THRA: variants seen among roughly 807,000 people sequenced by gnomAD.
The protein encoded by THRA is EAR-7.
Under a neutral mutation model 45.0 loss-of-function variants are expected in THRA, and 13 were observed. That is an observed-to-expected ratio of 0.29 (90% CI 0.19 to 0.46). THRA has a LOEUF of 0.46. Among genes scored for constraint, THRA ranks in the 20% least tolerant of loss-of-function variants. The pLI, the probability that THRA is intolerant of heterozygous loss-of-function variation, is 1.00. For synonymous variants in THRA, 195 were observed against 214.0 expected, an observed-to-expected ratio of 0.91 and a Z score of 0.78; for missense variants, 278 against 556.1, an observed-to-expected ratio of 0.50 and a Z score of 5.03.
chr17:40,073,625 A>T (rs1316210962), intron 1 of THRA, among the ~76,000 whole-genome samples: 1 of 152,126 alleles, frequency 6.6e-6, no homozygotes, highest in Non-Finnish European at 1.5e-5. Context: ...GGAGTCCCTG[A>T]GGGGCCAGAG....
At chr17:40,083,075 C>T (rs1168555296) in intron 4 of THRA, among the ~76,000 whole-genome samples, 1 of 151,994 alleles carries the variant, frequency 6.6e-6, no homozygotes. Flanking sequence ...CTACAGCGCC[C>T]ACCACCATGC....
Position 40,084,750 on chromosome 17 carries a change from G to T in THRA, c.511G>T (p.Ala171Ser), listed in dbSNP as rs766596317. 1 of 1,614,066 alleles carries T rather than the reference G, an allele frequency of 6.2e-7. No homozygotes were observed. The highest frequency in any genetic ancestry group is 1.1e-5 in the South Asian group (1 of 91,078). Residue 171 changes from alanine to serine, a missense_variant, in exon 6 of 9, where the codon GCC becomes TCC. Physicochemically the swap from Ala to Ser is moderately conservative, Grantham distance 99. Coordinates refer to ENST00000450525, the MANE Select transcript of THRA (RefSeq NM_199334.5). ...TPEEWDLIHI[A>S]TEAHRSTNAQ... Reference sequence around the variant, plus strand: ...TGAAGAGTGGGATCTGATCCACATTGCCACAGAGGCCCATCGCAGCACCAA... The same window carrying T: ...TGAAGAGTGGGATCTGATCCACATTTCCACAGAGGCCCATCGCAGCACCAA...
At chr17:40,081,568 G>A (rs1242494723) in intron 4 of THRA, among the ~76,000 whole-genome samples, 1 of 152,082 alleles carries the variant, frequency 6.6e-6, no homozygotes, top group Admixed American at 6.6e-5. Context: ...CACCTGGCCA[G>A]CAAGGCTTAT....
chr17:40,066,861 G>A (rs1010970533), intron 1 of THRA, among the ~76,000 whole-genome samples: 2 of 152,066 alleles, frequency 1.3e-5, no homozygotes, highest in Non-Finnish European at 2.9e-5. Context: ...TAACTTCCCC[G>A]TTGCCTCATC....
Position 40,090,006 on chromosome 17 carries a change from G to A in THRA, c.*550G>A. 1.0e-6 allele frequency: 1 copy of A among 988,436 alleles called. No individual in the cohort carries two copies. The highest frequency in any genetic ancestry group is 1.2e-6 in the Non-Finnish European group (1 of 831,740). The allele number at this position is 988,436 out of a possible 1,614,324, so 61.2% of individuals were successfully genotyped here. On this transcript the variant is annotated 3_prime_UTR_variant, in exon 9 of 9. Transcript: ENST00000450525. ...CTGCACTTTGGAAACCAAGCAAGGG[G>A]AGAAGACAAATGAAGAAAAACTAGA... is the stretch of plus-strand genomic sequence containing the variant.
At position 40,090,177 on chromosome 17, in the gene THRA, A is replaced by T. The variant is rs1333419667; in HGVS notation, c.*721A>T. On this transcript the variant is annotated 3_prime_UTR_variant, in exon 9 of 9. Transcript: ENST00000450525. The stretch of plus-strand genomic sequence containing the variant: ...CCCCTTCTTCCCCCACATCAGAGAG[A>T]AATGCCCCCACACCAGAGCCCCAAG... The T allele has an allele frequency of 3.9e-6, 1 of 257,190 alleles. No homozygotes were observed. The highest frequency in any genetic ancestry group is 5.9e-6 in the Non-Finnish European group (1 of 170,608). 15.9% of individuals were successfully genotyped at this position (257,190 alleles called of 1,614,324 possible). A position where few individuals can be genotyped will look rare whatever the true frequency, so the allele number is the denominator to read the frequency against.
chr17:40,083,800 C>A, intron 4 of THRA, 35 bp from the exon 5 acceptor site: 2 of 1,563,320 alleles, frequency 1.3e-6, no homozygotes, highest in South Asian at 1.2e-5. Flanking sequence ...GAAGCCATGT[C>A]ATGATCACAG....
chr17:40,092,849 A>G lies in THRA; in HGVS notation c.*3393A>G. ...ACAGAACAAATCAGAGGGCCAGGGGAGGGTTGTGGGGGAGACAGAGTGGTT... is the reference window on the plus strand; with the variant it reads ...ACAGAACAAATCAGAGGGCCAGGGGGGGGTTGTGGGGGAGACAGAGTGGTT... On this transcript the variant is annotated 3_prime_UTR_variant, in exon 9 of 9. Coordinates refer to ENST00000450525, the MANE Select transcript of THRA (RefSeq NM_199334.5). 1.1e-6 allele frequency: 1 copy of G among 878,026 alleles called. No homozygotes were observed. The highest frequency in any genetic ancestry group is 1.9e-5 in the South Asian group (1 of 53,746). 54.4% of individuals were successfully genotyped at this position (878,026 alleles called of 1,614,324 possible). A position where few individuals can be genotyped will look rare whatever the true frequency, so the allele number is the denominator to read the frequency against.
intron 4 of THRA, among the ~76,000 whole-genome samples, chr17:40,080,739 T>TC (rs1478463562): frequency 1.1e-4 from 16 of 145,252 alleles, no homozygotes; most frequent in African/African-American, 3.3e-4. Context: ...TTTTTTTTTT[T>TC]CAAGACGGAG....
At chr17:40,084,569 G>A (rs1364405439) in intron 5 of THRA, 41 bp from the exon 6 acceptor site, 2 of 1,601,978 alleles carry the variant, frequency 1.2e-6, no homozygotes, top group South Asian at 1.1e-5. Flanking sequence ...AAAGGGGATG[G>A]AGGGTGCCAT....
At chr17:40,085,624 C>A (rs1987295379) in intron 6 of THRA, among the ~76,000 whole-genome samples, 1 of 151,294 alleles carries the variant, frequency 6.6e-6, no homozygotes, top group African/African-American at 2.4e-5. Flanking sequence ...TGTGAGCCAC[C>A]ATGCCCACCC....
chr17:40,087,322 CACAG>C (rs1987362324), intron 7 of THRA, among the ~76,000 whole-genome samples: 1 of 149,528 alleles, frequency 6.7e-6, no homozygotes, highest in Non-Finnish European at 1.5e-5. Flanking sequence ...CACACACACA[CACAG>C]ACATATACAC....
chr17:40,089,740 G>A lies in THRA; in HGVS notation c.*284G>A, dbSNP rs1324350280. On this transcript the variant is annotated 3_prime_UTR_variant, in exon 9 of 9. Transcript: ENST00000450525. This position sits in a 1 kb window ranked among gnomAD's most constrained non-coding sequence, Gnocchi z 6.1. ...GACCCCATCCTCTCAGAAGGTAGGGGAAGGGCGGGAGGATTGAGAAGGGAC... is the reference window on the plus strand; with the variant it reads ...GACCCCATCCTCTCAGAAGGTAGGGAAAGGGCGGGAGGATTGAGAAGGGAC... 9 of 1,287,348 alleles carry A rather than the reference G, an allele frequency of 7.0e-6. No homozygotes were observed. In the East Asian group the frequency reaches 2.6e-4, roughly 37 times the overall value. 79.7% of individuals were successfully genotyped at this position (1,287,348 alleles called of 1,614,324 possible).
At chr17:40,085,008 A>G (rs1024747141) in intron 6 of THRA, among the ~76,000 whole-genome samples, 193 bp downstream of exon 6, 70 of 152,154 alleles carry the variant, frequency 4.6e-4, no homozygotes, top group Non-Finnish European at 9.9e-4. Context: ...TACTCCATCC[A>G]ACTGGGAGCT....
chr17:40,079,903 C>G (rs1260053069), intron 4 of THRA, among the ~76,000 whole-genome samples: 1 of 152,016 alleles, frequency 6.6e-6, no homozygotes. Context: ...CCTGTCTCTA[C>G]TAAAAATACC....
At chr17:40,065,977 T>C (rs1004642263) in intron 1 of THRA, among the ~76,000 whole-genome samples, 4 of 152,042 alleles carry the variant, frequency 2.6e-5, no homozygotes, top group African/African-American at 9.7e-5. Flanking sequence ...CCCTGCTGAG[T>C]TGGGTCCACT....
At chr17:40,073,029 G>A (rs1222000691) in intron 1 of THRA, among the ~76,000 whole-genome samples, 5 of 152,210 alleles carry the variant, frequency 3.3e-5, no homozygotes, top group South Asian at 2.1e-4. Flanking sequence ...CAGAGGCCCC[G>A]TTCTGCTGCT....
intron 1 of THRA, chr17:40,072,024 G>A (rs1986794368): frequency 6.6e-6 from 1 of 152,330 alleles, no homozygotes. Flanking sequence ...CAAAAGAGGG[G>A]TGGGGCAGAG....
At chr17:40,068,501 C>G (rs1986651112) in intron 1 of THRA, among the ~76,000 whole-genome samples, 1 of 152,214 alleles carries the variant, frequency 6.6e-6, no homozygotes, top group Non-Finnish European at 1.5e-5. Flanking sequence ...CAGGCCAAAG[C>G]TGGGGTCATA....
Sources: allele counts gnomAD v4.1 joint callset (sites outside exome capture counted in the v4.1 genomes callset), GRCh38; gene constraint gnomAD v4.1.1; non-coding constraint Gnocchi (gnomAD v3.1); transcripts MANE v1.5; gene names NCBI Gene and HGNC (gene_info 2026-07-23, HGNC 2026-07-21).